The following MPHOSPH9 variants were observed in gnomAD, a reference collection of about 807,000 sequenced individuals.
MPHOSPH9 encodes the protein M-phase phosphoprotein 9.
Under a neutral mutation model 145.5 loss-of-function variants are expected in MPHOSPH9, and 88 were observed. The observed-to-expected ratio is 0.60, with a 90% confidence interval of 0.51 to 0.72. The LOEUF is 0.72. Among genes scored for constraint, MPHOSPH9 ranks in the 30% least tolerant of loss-of-function variants. The probability of loss-of-function intolerance (pLI) is 0.00; values close to 1 mark genes in which losing one functional copy is unlikely to be tolerated. For missense variants in MPHOSPH9, 1,238 were observed against 1,386.6 expected (o/e 0.89, Z 1.70); for synonymous variants, 435 against 486.2 (o/e 0.89, Z 1.39).
intron 12 of MPHOSPH9, 24 bp from the exon 13 acceptor site, chr12:123,194,625 T>TTG (rs764137483): frequency 2.0e-6 from 2 of 990,658 alleles, no homozygotes; most frequent in Non-Finnish European, 2.5e-6. Flanking sequence ...ACAAACATAA[T>TTG]TTTTTTTTTT....
Position 123,202,251 on chromosome 12 carries a change from T to G in MPHOSPH9, c.1850A>C (p.Glu617Ala), listed in dbSNP as rs1276949120. 1 of 1,613,518 alleles carries G rather than the reference T, an allele frequency of 6.2e-7. No homozygotes were observed. The highest frequency in any genetic ancestry group is 1.1e-5 in the South Asian group (1 of 90,912). The change falls in exon 11 of 24, where the codon GAA becomes GCA. Residue 617 changes from glutamate to alanine, a missense_variant. By Grantham distance (107) the Glu-to-Ala change is moderately radical. Transcript: ENST00000606320. ...CAGCTTCTGTTTCAAACTATTTATT[T>G]CTGATTCATAATAAGCTCGAAGATC... ...IADLRAYYES[E>A]INSLKQKLEA...
intron 17 of MPHOSPH9, 43 bp from the exon 18 acceptor site, chr12:123,165,520 G>C: frequency 1.3e-6 from 2 of 1,548,316 alleles, no homozygotes; most frequent in East Asian, 2.3e-5. Flanking sequence ...TGGACTAAAT[G>C]TCTGTATCTT....
downstream of MPHOSPH9, chr12:123,153,189 A>G (rs186308241): frequency 3.0e-4 from 46 of 152,326 alleles, no homozygotes; most frequent in African/African-American, 1.1e-3. Context: ...GATACTGGCA[A>G]TAATTTTTAG....
Position 123,221,893 on chromosome 12 carries a change from A to C in MPHOSPH9, c.351T>G (p.His117Gln). Residue 117 changes from histidine to glutamine, a missense_variant and splice_region_variant, in exon 5 of 24, where the codon CAT becomes CAG. Around this residue, in one of 3 missense-constraint regions of MPHOSPH9, gnomAD observed 837 missense variants for 897.5 expected, o/e 0.93. Coordinates refer to ENST00000606320, the MANE Select transcript of MPHOSPH9 (RefSeq NM_022782.4). ...CTAAATTTTTTATCTCCTCCTGTAT[A>C]TGCTGGAAATAAAAAGTTATAGATT... ...QQEQFHNQIQ[H>Q]IQEEIKNLVK... 1.3e-6 allele frequency: 2 copies of C among 1,505,272 alleles called. No individual in the cohort carries two copies. Among genetic ancestry groups the C allele is most frequent in the Non-Finnish European group, 1.8e-6 (2 of 1,122,168 alleles). The allele number at this position is 1,505,272 out of a possible 1,614,324, so 93.2% of individuals were successfully genotyped here. A position where few individuals can be genotyped will look rare whatever the true frequency, so the allele number is the denominator to read the frequency against.
chr12:123,218,478 T>C lies in MPHOSPH9; in HGVS notation c.894A>G (p.Ala298=), dbSNP rs1195020887. 3 of 1,613,938 alleles carry C rather than the reference T, an allele frequency of 1.9e-6. No homozygotes were observed. The highest frequency in any genetic ancestry group is 3.3e-5 in the Admixed American group (2 of 59,984). Residue 298 remains alanine (A), a synonymous_variant, in exon 6 of 24, where the codon GCA becomes GCG. Coordinates refer to ENST00000606320, the MANE Select transcript of MPHOSPH9 (RefSeq NM_022782.4). ...TTGGTTGGTTCTGCTTCAGTTTTTG[T>C]GCCCATGATGTTATAGCATTACTAT... ...KTNSNAITSW[A]QKLKQNQPKR... is the part of the protein sequence containing the mutation.
intron 23 of MPHOSPH9, 170 bp downstream of exon 23, chr12:123,160,611 C>T (rs2044065177): frequency 1.8e-6 from 1 of 558,742 alleles, no homozygotes; most frequent in Non-Finnish European, 3.1e-6. Context: ...AGCTAGCTTG[C>T]AGTTATAAAA....
Position 123,218,189 on chromosome 12 carries a change from G to A in MPHOSPH9, c.996+187C>T, listed in dbSNP as rs1036562689. ...AGAAGTTGAAGTGAGCCGAGATCAC[G>A]TCATTGCACTCCAGTCTGGGCCATA... On this transcript the variant is annotated intron_variant, in intron 6 of 23. Transcript: ENST00000606320. Among the ~76,000 whole-genome samples, 7 of 152,120 alleles carry A rather than the reference G, an allele frequency of 4.6e-5. 1 individual carries two copies. In the East Asian group the frequency reaches 5.8e-4, roughly 13 times the overall value.
chr12:123,243,529 CAAAA>C (rs55817401), intron 1 of MPHOSPH9, among the ~76,000 whole-genome samples: 5 of 117,788 alleles, frequency 4.2e-5, no homozygotes, highest in Admixed American at 1.7e-4. Flanking sequence ...GACTCCGTCT[CAAAA>C]AAAAAAAAAA....
At chr12:123,178,868 C>T (rs912160018) in intron 15 of MPHOSPH9, among the ~76,000 whole-genome samples, 2 of 152,168 alleles carry the variant, frequency 1.3e-5, no homozygotes, top group Non-Finnish European at 2.9e-5. Context: ...CTACCATTTA[C>T]GATTCTGTCC....
At chr12:123,208,660 G>T (rs187210993) in intron 8 of MPHOSPH9, among the ~76,000 whole-genome samples, 3 of 152,150 alleles carry the variant, frequency 2.0e-5, no homozygotes, top group African/African-American at 7.2e-5. Flanking sequence ...CTGGGAAAAG[G>T]GGAAGAAATT....
At chr12:123,205,343 C>T (rs539817877) in intron 8 of MPHOSPH9, among the ~76,000 whole-genome samples, 12 of 152,214 alleles carry the variant, frequency 7.9e-5, no homozygotes, top group Admixed American at 4.6e-4. Context: ...GTCAGAAGTT[C>T]GACACCGGCC....
At chr12:123,240,142 T>C (rs556387499) in intron 1 of MPHOSPH9, among the ~76,000 whole-genome samples, 2 of 148,432 alleles carry the variant, frequency 1.3e-5, no homozygotes, top group African/African-American at 5.0e-5. Context: ...GGCTTGTGGA[T>C]CATCTGAGGT....
At chr12:123,176,867 A>G (rs189550012) in intron 15 of MPHOSPH9, 78 bp from the exon 16 acceptor site, 2 of 1,120,518 alleles carry the variant, frequency 1.8e-6, no homozygotes, top group African/African-American at 1.5e-5. Context: ...TTTATTTAAC[A>G]GACCCTCCTA....
chr12:123,176,216 A>G (rs1169757434), intron 16 of MPHOSPH9, among the ~76,000 whole-genome samples: 1 of 152,210 alleles, frequency 6.6e-6, no homozygotes, highest in African/African-American at 2.4e-5. Flanking sequence ...TATCACCAAG[A>G]CAATGTTGAG....
intron 6 of MPHOSPH9, 136 bp downstream of exon 6, chr12:123,218,240 C>A (rs2047052607): frequency 7.7e-7 from 1 of 1,293,984 alleles, no homozygotes; most frequent in South Asian, 1.5e-5. Flanking sequence ...CTCAAAAAAA[C>A]AACAACAAAA....
chr12:123,236,331 C>T (rs901700138), upstream of MPHOSPH9, among the ~76,000 whole-genome samples: 8 of 152,028 alleles, frequency 5.3e-5, no homozygotes, highest in South Asian at 2.1e-4. Flanking sequence ...TGGTGGCTCA[C>T]GCCTGTAATC....
At chr12:123,207,146 T>TAAAAAAAAAAAAAAAAAAAAAAAAAAAAA (rs35392378) in intron 8 of MPHOSPH9, among the ~76,000 whole-genome samples, 1 of 114,582 alleles carries the variant, frequency 8.7e-6, no homozygotes, top group African/African-American at 3.3e-5. Context: ...CTAAAGTGGT[T>TAAAAAAAAAAAAAAAAAAAAAAAAAAAAA]AAAAAAAAAA....
At chr12:123,193,803 G>C (rs942006092) in intron 13 of MPHOSPH9, among the ~76,000 whole-genome samples, 1 of 147,024 alleles carries the variant, frequency 6.8e-6, no homozygotes, top group African/African-American at 2.4e-5. Flanking sequence ...TAGCTTGAAA[G>C]TTGACCTGAT....
upstream of MPHOSPH9, among the ~76,000 whole-genome samples, chr12:123,236,957 C>T (rs914435248): frequency 6.6e-6 from 1 of 152,006 alleles, no homozygotes; most frequent in Non-Finnish European, 1.5e-5. Context: ...TGGCGGCATG[C>T]GCCTGTAGTC....
Sources: allele counts gnomAD v4.1 joint callset (sites outside exome capture counted in the v4.1 genomes callset), GRCh38; gene constraint gnomAD v4.1.1; regional missense constraint gnomAD v4.1.1; transcripts MANE v1.5; gene names NCBI Gene and HGNC (gene_info 2026-07-23, HGNC 2026-07-21).